ALK: variants seen among roughly 807,000 people sequenced by gnomAD.
The protein encoded by ALK is ALK tyrosine kinase receptor.
Under a neutral mutation model 163.1 loss-of-function variants are expected in ALK, and 74 were observed. That is an observed-to-expected ratio of 0.45 (90% CI 0.38 to 0.55). The LOEUF is 0.55. Ranked by LOEUF, ALK falls within the 20% of genes least tolerant of loss-of-function variation. ALK has a pLI of 0.00. For missense variants in ALK, 2,063 were observed against 2,105.3 expected (o/e 0.98, Z 0.39); for synonymous variants, 960 against 843.2 (o/e 1.14, Z -2.40).
At chr2:29,898,420 T>C (rs1667327817) in intron 1 of ALK, among the ~76,000 whole-genome samples, 1 of 152,168 alleles carries the variant, frequency 6.6e-6, no homozygotes, top group African/African-American at 2.4e-5. Flanking sequence ...ACTAATTATA[T>C]CAGGAATCTG....
intron 3 of ALK, among the ~76,000 whole-genome samples, chr2:29,654,434 C>G (rs1327937706): frequency 1.3e-5 from 2 of 152,074 alleles, no homozygotes; most frequent in African/African-American, 4.8e-5. Flanking sequence ...TCTTCCAGGT[C>G]TAGCATGCCT....
At chr2:29,546,448 A>C (rs1673556523) in intron 3 of ALK, among the ~76,000 whole-genome samples, 1 of 152,246 alleles carries the variant, frequency 6.6e-6, no homozygotes. Context: ...AGAAGGAGAA[A>C]GGGGAACAAA....
chr2:29,368,682 T>C (rs537986976), intron 5 of ALK, among the ~76,000 whole-genome samples: 1 of 152,298 alleles, frequency 6.6e-6, no homozygotes, highest in East Asian at 1.9e-4. Flanking sequence ...GAGAACTTCA[T>C]AGAGTGGGAA....
intron 3 of ALK, among the ~76,000 whole-genome samples, chr2:29,578,515 T>C (rs1467242697): frequency 1.3e-5 from 2 of 152,180 alleles, no homozygotes; most frequent in East Asian, 3.9e-4. Context: ...TCCAGTGTTT[T>C]CCTAACTCTG....
chr2:29,254,563 C>T (rs1664906197), intron 11 of ALK, among the ~76,000 whole-genome samples: 1 of 152,164 alleles, frequency 6.6e-6, no homozygotes, highest in South Asian at 2.1e-4. Flanking sequence ...GCTGTGTTCT[C>T]ATTCTGGATG....
At chr2:29,724,203 C>T (rs1209264544) in intron 1 of ALK, among the ~76,000 whole-genome samples, 1 of 152,196 alleles carries the variant, frequency 6.6e-6, no homozygotes, top group Non-Finnish European at 1.5e-5. Flanking sequence ...ATTCTAAATG[C>T]TCTTTGGAAC....
At chr2:29,783,959 A>C (rs931848242) in intron 1 of ALK, among the ~76,000 whole-genome samples, 2 of 152,188 alleles carry the variant, frequency 1.3e-5, no homozygotes, top group African/African-American at 4.8e-5. Context: ...CACACATAGG[A>C]GCTAGAACTG....
At position 29,522,214 on chromosome 2, in the gene ALK, G is replaced by A. The variant is rs1383086837; in HGVS notation, c.1154+9701C>T. On this transcript the variant is annotated intron_variant, in intron 4 of 28. Transcript: ENST00000389048. The stretch of plus-strand genomic sequence containing the variant: ...ATCCAGTCTACTCCTTACAAGCTGT[G>A]CAACTCTAGGCAGGTTACTTAACCT... Among the ~76,000 whole-genome samples, 7 of 152,222 alleles carry A rather than the reference G, an allele frequency of 4.6e-5. No homozygotes were observed. In the East Asian group the frequency reaches 1.4e-3, roughly 29 times the overall value.
At chr2:29,333,016 C>A (rs957967667) in intron 5 of ALK, among the ~76,000 whole-genome samples, 1 of 152,228 alleles carries the variant, frequency 6.6e-6, no homozygotes, top group Non-Finnish European at 1.5e-5. Flanking sequence ...TACCTCCTGG[C>A]CAACCCTGAG....
intron 3 of ALK, among the ~76,000 whole-genome samples, chr2:29,546,871 A>G (rs1013935928): frequency 6.6e-6 from 1 of 152,166 alleles, no homozygotes. Context: ...CTGATGTTCC[A>G]TCTACTGTGG....
intron 4 of ALK, among the ~76,000 whole-genome samples, chr2:29,417,322 T>C (rs1669906266): frequency 1.3e-5 from 2 of 152,224 alleles, no homozygotes; most frequent in Admixed American, 1.3e-4. Context: ...GTGAGTATCC[T>C]TTCTTTGCTT....
At position 29,831,269 on chromosome 2, in the gene ALK, G is replaced by GAAGAAGAAGAAT. The variant is rs1558509123; in HGVS notation, c.667+88723_667+88724insATTCTTCTTCTT. On this transcript the variant is annotated intron_variant, in intron 1 of 28. Transcript: ENST00000389048. ...AGAGGAAGAGGAAGAGGAAGAAGAAGAAGAAGAAGAAGAAGAAGAAGAAGA... is the reference window on the plus strand; with the variant it reads ...AGAGGAAGAGGAAGAGGAAGAAGAAGAAGAAGAAGAATAAGAAGAAGAAGAAGAAGAAGAAGA... Among the ~76,000 whole-genome samples, 178 of 95,436 alleles carry GAAGAAGAAGAAT rather than the reference G, an allele frequency of 1.9e-3. 34 individuals are homozygous for GAAGAAGAAGAAT. The highest frequency in any genetic ancestry group is 5.7e-3 in the African/African-American group (160 of 27,886). The allele number at this position is 95,436 out of a possible 152,430, so 62.6% of individuals were successfully genotyped here.
chr2:29,360,082 T>C (rs141578046), intron 5 of ALK, among the ~76,000 whole-genome samples: 1,715 of 152,276 alleles, frequency 0.011, 8 homozygotes, highest in Non-Finnish European at 0.019. Flanking sequence ...CTCAGGGATC[T>C]CTCTTCTTCT....
intron 5 of ALK, among the ~76,000 whole-genome samples, chr2:29,357,553 G>T (rs192530365): frequency 1.3e-5 from 2 of 152,330 alleles, no homozygotes; most frequent in Admixed American, 1.3e-4. Flanking sequence ...TTGTTATTTA[G>T]GGTCAAACCA....
At chr2:29,488,324 C>T (rs1460429007) in intron 4 of ALK, among the ~76,000 whole-genome samples, 1 of 152,172 alleles carries the variant, frequency 6.6e-6, no homozygotes, top group East Asian at 1.9e-4. Flanking sequence ...AGTGTTTCAT[C>T]ACACTGTTGT....
intron 4 of ALK, among the ~76,000 whole-genome samples, chr2:29,449,238 T>C (rs151321658): frequency 5.9e-5 from 9 of 152,252 alleles, no homozygotes; most frequent in African/African-American, 1.2e-4. Flanking sequence ...TCTCACAATA[T>C]AGTATGGTAC....
At chr2:29,751,613 G>A (rs1467742587) in intron 1 of ALK, among the ~76,000 whole-genome samples, 1 of 152,086 alleles carries the variant, frequency 6.6e-6, no homozygotes, top group Non-Finnish European at 1.5e-5. Flanking sequence ...AATAACACCA[G>A]GTAACTAGTT....
chr2:29,852,567 A>T (rs1666025720), intron 1 of ALK, among the ~76,000 whole-genome samples: 1 of 152,206 alleles, frequency 6.6e-6, no homozygotes, highest in Admixed American at 6.5e-5. Flanking sequence ...GGATTCCAAC[A>T]GTTCTGGAAC....
intron 1 of ALK, among the ~76,000 whole-genome samples, chr2:29,833,907 C>A (rs1172126457): frequency 6.6e-6 from 1 of 152,196 alleles, no homozygotes; most frequent in African/African-American, 2.4e-5. Context: ...TACTCGAGAT[C>A]TCTTATAGAC....
Sources: allele counts gnomAD v4.1 joint callset (sites outside exome capture counted in the v4.1 genomes callset), GRCh38; gene constraint gnomAD v4.1.1; transcripts MANE v1.5; gene names NCBI Gene and HGNC (gene_info 2026-07-23, HGNC 2026-07-21).